Variants in TMEM178B observed in about 807,000 individuals in gnomAD.
TMEM178B encodes the protein transmembrane protein 178B.
Under a neutral mutation model 31.0 loss-of-function variants are expected in TMEM178B, and 5 were observed. The ratio of observed to expected loss-of-function variants is 0.16; its 90% CI spans 0.08 to 0.34. The LOEUF is 0.34. Ranked by LOEUF, TMEM178B falls within the 10% of genes least tolerant of loss-of-function variation. TMEM178B has a pLI of 1.00. For synonymous variants in TMEM178B, 164 were observed against 164.0 expected, an observed-to-expected ratio of 1.00 and a Z score of 0.00; for missense variants, 275 against 400.3, an observed-to-expected ratio of 0.69 and a Z score of 2.67.
At chr7:141,391,455 C>T (rs929517627) in intron 2 of TMEM178B, among the ~76,000 whole-genome samples, 12 of 152,190 alleles carry the variant, frequency 7.9e-5, no homozygotes, top group African/African-American at 1.2e-4. Context: ...CCACCACATC[C>T]GGCCTCTTTC....
At chr7:141,500,994 T>C in the TMEM178B span, among the ~76,000 whole-genome samples, 5 of 152,330 alleles carry the variant, frequency 3.3e-5, no homozygotes, top group African/African-American at 1.2e-4. Flanking sequence ...AATATATATG[T>C]ATTTTATCCG....
intron 1 of TMEM178B, among the ~76,000 whole-genome samples, chr7:141,172,874 G>A (rs979254944): frequency 6.6e-6 from 1 of 151,908 alleles, no homozygotes; most frequent in African/African-American, 2.4e-5. Context: ...TTATAGTATT[G>A]TACAGATGAG....
At chr7:141,119,040 A>T (rs1348243865) in intron 1 of TMEM178B, among the ~76,000 whole-genome samples, 1 of 152,186 alleles carries the variant, frequency 6.6e-6, no homozygotes, top group Non-Finnish European at 1.5e-5. Context: ...GAGTTCTCCC[A>T]GAAGTCCTGA....
At position 141,480,162 on chromosome 7, in the gene TMEM178B, G is replaced by C. The variant is rs1335220586; in HGVS notation, c.*9376G>C. 2 of 152,298 alleles carry C rather than the reference G, an allele frequency of 1.3e-5. No homozygotes were observed. The highest frequency in any genetic ancestry group is 3.9e-4 in the East Asian group (2 of 5,184). The allele number at this position is 152,298 out of a possible 1,614,324, so 9.4% of individuals were successfully genotyped here. ...GTTCCTGTGACTTTGAAAGGACTGAGGAAGCAGAGAGCATTTGGGGACTTC... is the reference window on the plus strand; with the variant it reads ...GTTCCTGTGACTTTGAAAGGACTGACGAAGCAGAGAGCATTTGGGGACTTC... On this transcript the variant is annotated 3_prime_UTR_variant, in exon 4 of 4. Transcript: ENST00000565468.
intron 1 of TMEM178B, among the ~76,000 whole-genome samples, chr7:141,203,101 T>C (rs1796905338): frequency 1.3e-5 from 2 of 152,238 alleles, no homozygotes; most frequent in Admixed American, 1.3e-4. Flanking sequence ...TAAATGGCCT[T>C]CTTAATGTGC....
At chr7:141,279,414 C>T (rs1798317249) in intron 2 of TMEM178B, among the ~76,000 whole-genome samples, 1 of 152,162 alleles carries the variant, frequency 6.6e-6, no homozygotes, top group African/African-American at 2.4e-5. Flanking sequence ...AATAAGCTGG[C>T]ACTCCTTTTA....
At chr7:141,425,727 C>T (rs941264289) in intron 2 of TMEM178B, among the ~76,000 whole-genome samples, 1 of 152,126 alleles carries the variant, frequency 6.6e-6, no homozygotes, top group Admixed American at 6.5e-5. Flanking sequence ...TTTCTTCAGG[C>T]GAGTACAAAT....
intron 1 of TMEM178B, among the ~76,000 whole-genome samples, chr7:141,161,407 CTAA>C (rs1474434510): frequency 1.3e-5 from 2 of 152,082 alleles, no homozygotes; most frequent in Non-Finnish European, 2.9e-5. Flanking sequence ...GCAGAGGATT[CTAA>C]TAAGTGGGAG....
chr7:141,341,874 T>A (rs1462790358), intron 2 of TMEM178B, among the ~76,000 whole-genome samples: 1 of 152,220 alleles, frequency 6.6e-6, no homozygotes, highest in Non-Finnish European at 1.5e-5. Context: ...CTCCAGTGAC[T>A]TTTTCCCACT....
chr7:141,078,309 A>T (rs1191278331), intron 1 of TMEM178B, among the ~76,000 whole-genome samples: 1 of 152,232 alleles, frequency 6.6e-6, no homozygotes, highest in Non-Finnish European at 1.5e-5. Flanking sequence ...ATAGTTTGAA[A>T]TAAGTAGAAC....
At chr7:141,217,808 G>A (rs1797184445) in intron 2 of TMEM178B, among the ~76,000 whole-genome samples, 1 of 151,996 alleles carries the variant, frequency 6.6e-6, no homozygotes, top group South Asian at 2.1e-4. Context: ...TCTGCTTGGC[G>A]TTTTCAAGAT....
chr7:141,451,250 C>T (rs1038766653), intron 3 of TMEM178B, among the ~76,000 whole-genome samples: 1 of 152,214 alleles, frequency 6.6e-6, no homozygotes, highest in African/African-American at 2.4e-5. Context: ...CTCTGTATCA[C>T]CACCTGTAAA....
At chr7:141,375,477 A>G (rs192064311) in intron 2 of TMEM178B, among the ~76,000 whole-genome samples, 43 of 152,338 alleles carry the variant, frequency 2.8e-4, no homozygotes, top group African/African-American at 9.6e-4. Context: ...ACCTTTTATG[A>G]TGCTGATTTT....
chr7:141,339,310 C>T (rs887993766), intron 2 of TMEM178B, among the ~76,000 whole-genome samples: 4 of 152,148 alleles, frequency 2.6e-5, no homozygotes, highest in Non-Finnish European at 2.9e-5. Context: ...ACCTCTCGTC[C>T]GCCTCAGTGG....
intron 3 of TMEM178B, among the ~76,000 whole-genome samples, chr7:141,448,595 G>A (rs1801804324): frequency 6.6e-6 from 1 of 152,200 alleles, no homozygotes; most frequent in African/African-American, 2.4e-5. Context: ...GGAAAGCCAT[G>A]TTCCTGTAGA....
At chr7:141,208,574 T>A (rs1467732805) in intron 1 of TMEM178B, among the ~76,000 whole-genome samples, 1 of 152,238 alleles carries the variant, frequency 6.6e-6, no homozygotes, top group Non-Finnish European at 1.5e-5. Context: ...AGAGGCAGGA[T>A]GCTTGCAATC....
Position 141,150,660 on chromosome 7 carries a change from C to T in TMEM178B, c.383-61931C>T, listed in dbSNP as rs183264384. ...ACTTCTCTAGGATGAGAGAGAGGTC[C>T]AGCTGACAGCTGGGGCTGAGGCCAT... On this transcript the variant is annotated intron_variant, in intron 1 of 3. Coordinates refer to ENST00000565468, the MANE Select transcript of TMEM178B (RefSeq NM_001195278.2). Among the ~76,000 whole-genome samples, 153 of 152,356 alleles carry T rather than the reference C, an allele frequency of 1.0e-3. 1 individual carries two copies. Among genetic ancestry groups the T allele is most frequent in the South Asian group, 6.2e-4 (3 of 4,828 alleles).
intron 2 of TMEM178B, among the ~76,000 whole-genome samples, chr7:141,381,083 C>G (rs1800306694): frequency 6.6e-6 from 1 of 152,208 alleles, no homozygotes. Context: ...TCTCATAATA[C>G]TGCAGAGGAG....
intron 2 of TMEM178B, among the ~76,000 whole-genome samples, chr7:141,242,508 G>T (rs1399523145): frequency 8.1e-6 from 1 of 124,030 alleles, no homozygotes; most frequent in Non-Finnish European, 1.7e-5. Flanking sequence ...GTGTGTGTGT[G>T]TTTCTCCATT....
Sources: allele counts gnomAD v4.1 joint callset (sites outside exome capture counted in the v4.1 genomes callset), GRCh38; gene constraint gnomAD v4.1.1; transcripts MANE v1.5; gene names NCBI Gene and HGNC (gene_info 2026-07-23, HGNC 2026-07-21).